ARHGAP31: variants seen among roughly 807,000 people sequenced by gnomAD.
ARHGAP31 encodes rho GTPase-activating protein 31.
Under a neutral mutation model 113.9 loss-of-function variants are expected in ARHGAP31, and 34 were observed. The observed-to-expected ratio is 0.30, with a 90% confidence interval of 0.23 to 0.40. The LOEUF is 0.40. ARHGAP31 is among the 10% of genes least tolerant of loss of function. The pLI is 1.00. For missense variants in ARHGAP31, 1,548 were observed against 1,767.1 expected (o/e 0.88, Z 2.22); for synonymous variants, 650 against 684.8 (o/e 0.95, Z 0.79).
intron 1 of ARHGAP31, among the ~76,000 whole-genome samples, chr3:119,310,476 C>T (rs929014510): frequency 6.6e-6 from 1 of 152,214 alleles, no homozygotes; most frequent in Non-Finnish European, 1.5e-5. Flanking sequence ...AGGAACCAGG[C>T]TGCACAGCAG....
intron 3 of ARHGAP31, among the ~76,000 whole-genome samples, chr3:119,374,637 G>C (rs59279909): frequency 0.23 from 34,844 of 151,920 alleles, 4,112 homozygotes; most frequent in South Asian, 0.33. Flanking sequence ...AGATCTGATG[G>C]TTCAAAAGTG....
At chr3:119,382,546 T>C (rs1276273543) in intron 5 of ARHGAP31, 147 bp downstream of exon 5, 8 of 735,094 alleles carry the variant, frequency 1.1e-5, no homozygotes, top group Non-Finnish European at 1.1e-5. Context: ...GAATTAAAGG[T>C]GATTTAGGTG....
rs188823069 is a variant in ARHGAP31, at chr3:119,419,993, A to G, written c.*3729A>G. On this transcript the variant is annotated 3_prime_UTR_variant, in exon 12 of 12. Coordinates refer to ENST00000264245, the MANE Select transcript of ARHGAP31 (RefSeq NM_020754.4). ...AAAGCAGATTAACTCCTAGTTAATGATGAAGCAGTAGGCCCAAGATAAACT... is the reference window on the plus strand; with the variant it reads ...AAAGCAGATTAACTCCTAGTTAATGGTGAAGCAGTAGGCCCAAGATAAACT... The G allele has an allele frequency of 5.2e-5, 8 of 152,382 alleles. No individual in the cohort carries two copies. The highest frequency in any genetic ancestry group is 4.6e-4 in the Admixed American group (7 of 15,310). 9.4% of individuals were successfully genotyped at this position (152,382 alleles called of 1,614,324 possible). A position where few individuals can be genotyped will look rare whatever the true frequency, so the allele number is the denominator to read the frequency against.
At chr3:119,377,508 C>T (rs569548075) in intron 3 of ARHGAP31, among the ~76,000 whole-genome samples, 20 of 152,270 alleles carry the variant, frequency 1.3e-4, no homozygotes, top group African/African-American at 3.4e-4. Flanking sequence ...AGCGGGGACA[C>T]GCTGAGCTTG....
At chr3:119,367,091 TAAA>T (rs10706024) in intron 2 of ARHGAP31, among the ~76,000 whole-genome samples, 8 of 143,518 alleles carry the variant, frequency 5.6e-5, no homozygotes, top group African/African-American at 5.1e-5. Flanking sequence ...AAACTCCATC[TAAA>T]AAAAAAAAAA....
intron 3 of ARHGAP31, among the ~76,000 whole-genome samples, chr3:119,376,758 CAAA>C (rs71156744): frequency 0.025 from 3,400 of 135,790 alleles, 134 homozygotes; most frequent in African/African-American, 0.085. Context: ...AGACTCGTCT[CAAA>C]AAAAAAAAAA....
chr3:119,317,263 C>T (rs207463656), intron 1 of ARHGAP31, among the ~76,000 whole-genome samples: 3 of 151,980 alleles, frequency 2.0e-5, no homozygotes, highest in African/African-American at 7.3e-5. Context: ...ACTGCAAGCT[C>T]CGCCTCCTGG....
rs1381549348 is a variant in ARHGAP31, at chr3:119,414,375, G to C, written c.2446G>C (p.Asp816His). 1.2e-6 allele frequency: 2 copies of C among 1,614,208 alleles called. No individual in the cohort carries two copies. Among genetic ancestry groups the C allele is most frequent in the East Asian group, 4.5e-5 (2 of 44,876 alleles). ...AGACTCATCCAGGAAATTGAGGACA[G>C]ATCTCTACATAGACCAGCTGAAGTC... is the stretch of plus-strand genomic sequence containing the variant. Reference protein sequence around the residue: ...REDSSRKLRTDLYIDQLKSQD... With the variant: ...REDSSRKLRTHLYIDQLKSQD... Residue 816 changes from aspartate to histidine, a missense_variant, in exon 12 of 12, where the codon GAT (aspartate) becomes CAT (histidine). Asp to His is a moderately conservative substitution (Grantham distance 81). Coordinates refer to ENST00000264245, the MANE Select transcript of ARHGAP31 (RefSeq NM_020754.4).
intron 1 of ARHGAP31, among the ~76,000 whole-genome samples, chr3:119,350,744 ATTTTATT>A (rs2080104052): frequency 6.6e-6 from 1 of 152,214 alleles, no homozygotes; most frequent in Non-Finnish European, 1.5e-5. Flanking sequence ...TGAAGTTTAT[ATTTTATT>A]TAACAGAAAT....
intron 1 of ARHGAP31, among the ~76,000 whole-genome samples, chr3:119,354,834 A>G (rs1327296145): frequency 6.6e-6 from 1 of 151,258 alleles, no homozygotes. Flanking sequence ...TTTTAAAGAG[A>G]CATTCTGTAC....
chr3:119,365,954 A>T (rs964098931), intron 2 of ARHGAP31, among the ~76,000 whole-genome samples: 2 of 152,102 alleles, frequency 1.3e-5, no homozygotes, highest in African/African-American at 4.8e-5. Context: ...ATAAAAATAA[A>T]AAATAAATTA....
At chr3:119,321,497 G>C (rs2079785138) in intron 1 of ARHGAP31, among the ~76,000 whole-genome samples, 1 of 149,676 alleles carries the variant, frequency 6.7e-6, no homozygotes, top group Non-Finnish European at 1.5e-5. Context: ...TTTCCTTCAA[G>C]TGTTTTTTTT....
At chr3:119,297,053 A>C (rs1326629251) in intron 1 of ARHGAP31, among the ~76,000 whole-genome samples, 1 of 152,166 alleles carries the variant, frequency 6.6e-6, no homozygotes, top group Non-Finnish European at 1.5e-5. Flanking sequence ...TCAGCTTTGA[A>C]AGGAAACGCA....
chr3:119,400,114 C>A (rs1446770269), intron 9 of ARHGAP31, among the ~76,000 whole-genome samples: 3 of 152,194 alleles, frequency 2.0e-5, no homozygotes, highest in African/African-American at 7.2e-5. Context: ...TACAGAAAAT[C>A]TTTAGAACAA....
intron 6 of ARHGAP31, among the ~76,000 whole-genome samples, chr3:119,386,823 T>G (rs1283259325): frequency 1.3e-5 from 2 of 152,236 alleles, no homozygotes; most frequent in African/African-American, 4.8e-5. Context: ...CTTCCCTGCC[T>G]GGCAGCTGAG....
At chr3:119,353,785 C>T (rs1272064869) in intron 1 of ARHGAP31, among the ~76,000 whole-genome samples, 3 of 54,264 alleles carry the variant, frequency 5.5e-5, no homozygotes, top group East Asian at 1.2e-3. Flanking sequence ...AAGACTCCAT[C>T]TCAAAAAAAA....
intron 6 of ARHGAP31, among the ~76,000 whole-genome samples, chr3:119,390,005 C>T (rs1198328947): frequency 4.6e-5 from 7 of 152,166 alleles, no homozygotes; most frequent in Non-Finnish European, 8.8e-5. Flanking sequence ...CATTGATGAC[C>T]ATCAAAAATA....
At chr3:119,298,896 G>A in intron 1 of ARHGAP31, 1 of 236,464 alleles carries the variant, frequency 4.2e-6, no homozygotes, top group South Asian at 6.6e-5. Context: ...TGTGAGTTGT[G>A]CCATTCACAG....
In ARHGAP31 at chr3:119,416,276, C is replaced by T. The variant is rs371037966; in HGVS notation, c.*12C>T. ...GGCAAATAGAATGATTTCGGTTCAC[C>T]TGCTGGTGTCTGAAAAAAACCGTGA... is the stretch of plus-strand genomic sequence containing the variant. On this transcript the variant is annotated 3_prime_UTR_variant, in exon 12 of 12. Coordinates refer to ENST00000264245, the MANE Select transcript of ARHGAP31 (RefSeq NM_020754.4). 6.2e-7 allele frequency: 1 copy of T among 1,612,314 alleles called. No homozygotes were observed. Among genetic ancestry groups the T allele is most frequent in the East Asian group, 2.2e-5 (1 of 44,904 alleles).
Sources: gnomAD v4.1 joint callset for allele counts (sites outside exome capture counted in the v4.1 genomes callset) on GRCh38, gnomAD v4.1.1 for gene constraint, MANE v1.5 for transcripts, NCBI Gene and HGNC (gene_info 2026-07-23, HGNC 2026-07-21) for gene names.